Variants in SYT15 observed in about 807,000 individuals in gnomAD.
SYT15 encodes the protein synaptotagmin-15.
SYT15 carries 4 observed loss-of-function variants against 30.1 expected under a neutral mutation model. The ratio of observed to expected loss-of-function variants is 0.13; its 90% confidence interval spans 0.07 to 0.30. The LOEUF is 0.30. Ranked by LOEUF, SYT15 falls within the 10% of genes least tolerant of loss-of-function variation. The pLI, the probability that SYT15 is intolerant of heterozygous loss-of-function variation, is 1.00. For missense variants in SYT15, 49 were observed against 371.7 expected (o/e 0.13, Z 7.14); for synonymous variants, 19 against 166.3 (o/e 0.11, Z 6.82).
chr10:46,579,445 GGGA>G (rs1217112994), intron 1 of SYT15, among the ~76,000 whole-genome samples: 1 of 100,966 alleles, frequency 9.9e-6, no homozygotes, highest in Non-Finnish European at 1.9e-5. Context: ...GTCACCCTAA[GGGA>G]GGCACCTTTT....
In SYT15 at chr10:46,580,707, T is replaced by TGC. The variant is rs1449344394; in HGVS notation, c.213-186_213-185insCG. Among the ~76,000 whole-genome samples the TGC allele has an allele frequency of 1.0e-3, 146 of 139,636 alleles. 23 individuals are homozygous for TGC. The highest frequency in any genetic ancestry group is 4.0e-3 in the African/African-American group (137 of 34,146). The allele number at this position is 139,636 out of a possible 152,430, so 91.6% of individuals were successfully genotyped here. On this transcript the variant is annotated intron_variant, in intron 2 of 7. Transcript: ENST00000374321. Reference sequence around the variant, plus strand: ...GTGTGTGTGTGTGTGTGTGTGTGTGTGTGTGTGTGTGCGTGTGTGTGTGTG... The same window carrying TGC: ...GTGTGTGTGTGTGTGTGTGTGTGTGTGCGTGTGTGTGTGCGTGTGTGTGTGTG...
At chr10:46,593,619 A>T (rs1434615078), downstream of SYT15, 3 of 145,718 alleles carry the variant, frequency 2.1e-5, no homozygotes, top group African/African-American at 7.9e-5. Context: ...AAAAAAAAGT[A>T]TAGTGTGCCT....
chr10:46,597,028 G>T (rs1485746406), downstream of SYT15, among the ~76,000 whole-genome samples: 1 of 142,576 alleles, frequency 7.0e-6, no homozygotes, highest in Non-Finnish European at 1.5e-5. Flanking sequence ...TTATCCCAGG[G>T]GCAGGGAGGA....
rs1831643836 is a variant in SYT15, at chr10:46,580,713, T to C, written c.213-181T>C. On this transcript the variant is annotated intron_variant, in intron 2 of 7. Transcript: ENST00000374321. ...GTGTGTGTGTGTGTGTGTGTGTGTG[T>C]GTGTGCGTGTGTGTGTGTGTGTGTT... 9.9e-4 allele frequency among the ~76,000 whole-genome samples: 96 copies of C among 97,250 alleles called. 5 individuals are homozygous for C. In the Middle Eastern group the frequency reaches 0.027, roughly 28 times the overall value. The allele number at this position is 97,250 out of a possible 152,430, so 63.8% of individuals were successfully genotyped here.
Position 46,591,883 on chromosome 10 carries a change from G to T in SYT15, c.*4236G>T, listed in dbSNP as rs1245985840. ...ATGGCTTTCTCTACCACTCACAATG[G>T]TATTTTTTTCACTTTCCCCCTTATT... On this transcript the variant is annotated 3_prime_UTR_variant, in exon 8 of 8. Transcript: ENST00000374321. 7.1e-6 allele frequency: 1 copy of T among 140,094 alleles called. No homozygotes were observed. The highest frequency in any genetic ancestry group is 1.5e-5 in the Non-Finnish European group (1 of 65,114). 8.7% of individuals were successfully genotyped at this position (140,094 alleles called of 1,614,324 possible).
At chr10:46,593,608 A>T (rs868987307), downstream of SYT15, 1 of 144,140 alleles carries the variant, frequency 6.9e-6, no homozygotes, top group African/African-American at 2.7e-5. Context: ...AAATAATAAT[A>T]AAAAAAAAGT....
At chr10:46,593,216 AAAG>A (rs1178268387), downstream of SYT15, 1 of 134,896 alleles carries the variant, frequency 7.4e-6, no homozygotes, top group East Asian at 2.2e-4. Context: ...AGAAAAAAGA[AAAG>A]AAGAAATGTG....
downstream of SYT15, chr10:46,596,427 C>A (rs1195725279): frequency 6.7e-6 from 1 of 148,190 alleles, no homozygotes; most frequent in Non-Finnish European, 1.4e-5. Flanking sequence ...TTGGCAGAAT[C>A]AACCTGGAAT....
downstream of SYT15, chr10:46,596,759 G>A (rs541968705): frequency 7.7e-4 from 317 of 410,644 alleles, 37 homozygotes; most frequent in African/African-American, 7.2e-3. Context: ...GTGAAAAATG[G>A]AGAGGAAACA....
Position 46,586,343 on chromosome 10 carries a change from G to A in SYT15, c.1123+566G>A, listed in dbSNP as rs1220319148. Among the ~76,000 whole-genome samples the A allele has an allele frequency of 3.8e-5, 5 of 131,114 alleles. No homozygotes were observed. The East Asian group carries it at 1.0e-3, about 27-fold the overall frequency. The allele number at this position is 131,114 out of a possible 152,430, so 86.0% of individuals were successfully genotyped here. On this transcript the variant is annotated intron_variant, in intron 7 of 7. Coordinates refer to ENST00000374321, the MANE Select transcript of SYT15 (RefSeq NM_031912.5). ...AGGCAGATCACGAGGTCAGGAGATC[G>A]AGACCGTCCTGGCTAACACAGTGAA...
intron 7 of SYT15, among the ~76,000 whole-genome samples, chr10:46,586,307 A>G (rs7905586): frequency 3.0e-5 from 4 of 131,558 alleles, no homozygotes; most frequent in East Asian, 4.1e-4. Flanking sequence ...AGCACTTTGG[A>G]AGGCCGAGGT....
rs371387345 is a variant in SYT15, at chr10:46,580,912, C to T, written c.231C>T (p.Phe77=). ...TQLSRPPAVP[F]VVPPTLQGRD... is the part of the protein sequence containing the mutation. Reference sequence around the variant, plus strand: ...TGGACAGGCCACCAGCTGTGCCATTCGTGGTGCCCCCAACCCTTCAAGGCC... The same window carrying T: ...TGGACAGGCCACCAGCTGTGCCATTTGTGGTGCCCCCAACCCTTCAAGGCC... Residue 77 remains phenylalanine (F), a synonymous_variant, in exon 3 of 8, where the codon TTC becomes TTT. Coordinates refer to ENST00000374321, the MANE Select transcript of SYT15 (RefSeq NM_031912.5). 28 of 1,413,080 alleles carry T rather than the reference C, an allele frequency of 2.0e-5. 2 individuals are homozygous for T. In the Admixed American group the frequency reaches 4.4e-4, roughly 22 times the overall value. The allele number at this position is 1,413,080 out of a possible 1,614,324, so 87.5% of individuals were successfully genotyped here. A position where few individuals can be genotyped will look rare whatever the true frequency, so the allele number is the denominator to read the frequency against.
At chr10:46,584,323 T>C (rs1317751243) in intron 5 of SYT15, among the ~76,000 whole-genome samples, 172 bp from the exon 6 acceptor site, 2 of 151,506 alleles carry the variant, frequency 1.3e-5, no homozygotes, top group Non-Finnish European at 2.9e-5. Flanking sequence ...CCCCTTAAAC[T>C]CTCCAGACCA....
At chr10:46,586,382 T>C (rs1844930208) in intron 7 of SYT15, among the ~76,000 whole-genome samples, 1 of 125,358 alleles carries the variant, frequency 8.0e-6, no homozygotes, top group Non-Finnish European at 1.6e-5. Context: ...ACGTCTCTAC[T>C]AAAAATACAA....
At chr10:46,592,143 C>T (rs2133464741), downstream of SYT15, 2 of 141,372 alleles carry the variant, frequency 1.4e-5, 1 homozygote, top group South Asian at 4.6e-4. Flanking sequence ...AATTCCGTTT[C>T]CCCCCCTACC....
In SYT15 at chr10:46,579,192, TC is replaced by T; in HGVS notation, c.7+21del. 1 of 483,938 alleles carries T rather than the reference TC, an allele frequency of 2.1e-6. No individual in the cohort carries two copies. The highest frequency in any genetic ancestry group is 3.1e-6 in the Non-Finnish European group (1 of 326,794). 30.0% of individuals were successfully genotyped at this position (483,938 alleles called of 1,614,324 possible). ...CCATGGCGGGTAAGCGAGCCTCGCC[TC>T]CCCAGCCCAGCCCCGGCCCCTCTGC... On this transcript the variant is annotated intron_variant, in intron 1 of 7. Coordinates refer to ENST00000374321, the MANE Select transcript of SYT15 (RefSeq NM_031912.5).
intron 5 of SYT15, 113 bp from the exon 6 acceptor site, chr10:46,584,382 G>C: frequency 2.3e-6 from 3 of 1,286,300 alleles, no homozygotes; most frequent in East Asian, 2.5e-5. Flanking sequence ...GGGACCATGC[G>C]GGTGTGTCGC....
rs200170650 is a variant in SYT15, at chr10:46,584,574, G to C, written c.902G>C (p.Arg301Pro). ...AGCCGCCTGACGGTGGTTGTGCTGC[G>C]TGCCAAGGGCCTCCGGCTCCAGGAG... Reference protein sequence around the residue: ...YLSRLTVVVLRAKGLRLQEDR... With the variant: ...YLSRLTVVVLPAKGLRLQEDR... The change falls in exon 6 of 8, where the codon CGT (arginine) becomes CCT (proline). Residue 301 changes from arginine to proline, a missense_variant. Transcript: ENST00000374321. 1 of 1,609,208 alleles carries C rather than the reference G, an allele frequency of 6.2e-7. No individual in the cohort carries two copies. The highest frequency in any genetic ancestry group is 8.5e-7 in the Non-Finnish European group (1 of 1,177,990).
chr10:46,593,222 GAA>G (rs1191684263), downstream of SYT15: 4 of 136,316 alleles, frequency 2.9e-5, no homozygotes, highest in East Asian at 8.6e-4. Flanking sequence ...AAGAAAAGAA[GAA>G]ATGTGTCCCT....
Sources: gnomAD v4.1 joint callset for allele counts (sites outside exome capture counted in the v4.1 genomes callset) on GRCh38, gnomAD v4.1.1 for gene constraint, MANE v1.5 for transcripts, NCBI Gene and HGNC (gene_info 2026-07-23, HGNC 2026-07-21) for gene names.